The following NR3C1 variants were observed in gnomAD, a reference collection of about 807,000 sequenced individuals.
NR3C1 encodes the protein glucocorticoid receptor.
In NR3C1, 14 loss-of-function variants were observed where a neutral mutation model predicts 74.0. The ratio of observed to expected loss-of-function variants is 0.19; its 90% CI spans 0.12 to 0.30. NR3C1 has a LOEUF of 0.30. Among genes scored for constraint, NR3C1 ranks in the 10% least tolerant of loss-of-function variants. The pLI, the probability that NR3C1 is intolerant of heterozygous loss-of-function variation, is 1.00. For synonymous variants in NR3C1, 308 were observed against 332.5 expected (o/e 0.93, Z 0.80); for missense variants, 695 against 909.8 (o/e 0.76, Z 3.04).
At chr5:143,366,466 C>T (rs1014855251) in intron 2 of NR3C1, among the ~76,000 whole-genome samples, 2 of 150,448 alleles carry the variant, frequency 1.3e-5, no homozygotes, top group Non-Finnish European at 2.9e-5. Flanking sequence ...GCCGAGATTG[C>T]ACCACTGCAC....
upstream of NR3C1, among the ~76,000 whole-genome samples, chr5:143,408,104 G>T (rs534547183): frequency 1.3e-5 from 2 of 152,140 alleles, no homozygotes; most frequent in Non-Finnish European, 2.9e-5. Context: ...TTTGATGAAG[G>T]TCTAAAGCTT....
At chr5:143,331,583 C>A (rs766666217) in intron 2 of NR3C1, among the ~76,000 whole-genome samples, 5 of 152,098 alleles carry the variant, frequency 3.3e-5, no homozygotes, top group Non-Finnish European at 5.9e-5. Flanking sequence ...ACATATACAC[C>A]ATGGAATTCT....
intron 2 of NR3C1, among the ~76,000 whole-genome samples, chr5:143,336,673 T>C (rs540429097): frequency 6.6e-6 from 1 of 152,092 alleles, no homozygotes; most frequent in African/African-American, 2.4e-5. Context: ...ATAAAAAATA[T>C]TTTTAAAAAA....
At chr5:143,309,046 C>A (rs1599832328) in intron 4 of NR3C1, among the ~76,000 whole-genome samples, 1 of 150,416 alleles carries the variant, frequency 6.6e-6, no homozygotes, top group Non-Finnish European at 1.5e-5. Flanking sequence ...GGATATGAAA[C>A]TCTAACTTAT....
chr5:143,370,582 GC>G (rs1047001838), intron 2 of NR3C1, among the ~76,000 whole-genome samples: 4 of 152,208 alleles, frequency 2.6e-5, no homozygotes, highest in African/African-American at 7.2e-5. Flanking sequence ...AAGGGCACCG[GC>G]TACAGACTTG....
chr5:143,324,241 G>A (rs536333829), intron 2 of NR3C1, among the ~76,000 whole-genome samples: 1 of 152,368 alleles, frequency 6.6e-6, no homozygotes, highest in South Asian at 2.1e-4. Flanking sequence ...CTGCCCTGCA[G>A]TAATACTTCT....
chr5:143,338,639 ATGTG>A (rs1301995518), intron 2 of NR3C1, among the ~76,000 whole-genome samples: 2 of 152,216 alleles, frequency 1.3e-5, no homozygotes, highest in Non-Finnish European at 2.9e-5. Context: ...CAGCTGTACA[ATGTG>A]TGTGTTTTAA....
chr5:143,306,530 A>G (rs1402207939), intron 4 of NR3C1, among the ~76,000 whole-genome samples: 1 of 152,230 alleles, frequency 6.6e-6, no homozygotes, highest in Non-Finnish European at 1.5e-5. Context: ...AAACCCTAAG[A>G]ACTTTTTTAA....
chr5:143,329,988 T>C (rs1825632925), intron 2 of NR3C1, among the ~76,000 whole-genome samples: 1 of 152,210 alleles, frequency 6.6e-6, no homozygotes, highest in Non-Finnish European at 1.5e-5. Flanking sequence ...TACATATACA[T>C]TTGTCAATTC....
chr5:143,365,442 T>C (rs1833019798), intron 2 of NR3C1, among the ~76,000 whole-genome samples: 1 of 152,208 alleles, frequency 6.6e-6, no homozygotes, highest in African/African-American at 2.4e-5. Flanking sequence ...CACTGTATAA[T>C]GATAAAAGAA....
chr5:143,352,155 G>A (rs540553912), intron 2 of NR3C1, among the ~76,000 whole-genome samples: 30 of 151,958 alleles, frequency 2.0e-4, no homozygotes, highest in African/African-American at 6.3e-4. Flanking sequence ...CACACAATGC[G>A]GTATGCTGAT....
At chr5:143,350,466 A>G (rs1055623109) in intron 2 of NR3C1, among the ~76,000 whole-genome samples, 3 of 152,192 alleles carry the variant, frequency 2.0e-5, no homozygotes, top group Non-Finnish European at 2.9e-5. Flanking sequence ...ATAGCACCAT[A>G]TATTTCCTGA....
intron 2 of NR3C1, among the ~76,000 whole-genome samples, chr5:143,373,241 TATAA>T (rs1348436918): frequency 6.6e-6 from 1 of 152,188 alleles, no homozygotes; most frequent in Non-Finnish European, 1.5e-5. Context: ...AAAAAACTCT[TATAA>T]ATGTGTTTCA....
rs117287727 is a variant in NR3C1, at chr5:143,294,582, G to A, written c.2023+878C>T. ...TGTATAATGACATGTTTCCACCATTGTAGTATCATACGAAGTATTTTCACT... is the reference window on the plus strand; with the variant it reads ...TGTATAATGACATGTTTCCACCATTATAGTATCATACGAAGTATTTTCACT... On this transcript the variant is annotated intron_variant, in intron 7 of 8. Coordinates refer to ENST00000394464, the MANE Select transcript of NR3C1 (RefSeq NM_000176.3). Among the ~76,000 whole-genome samples the A allele has an allele frequency of 1.0e-3, 155 of 152,178 alleles. 3 individuals carry two copies. In the East Asian group the frequency reaches 0.022, roughly 22 times the overall value.
At chr5:143,285,756 GACAGTGCTTAGAAA>G (rs1463651801) in intron 7 of NR3C1, among the ~76,000 whole-genome samples, 1 of 152,014 alleles carries the variant, frequency 6.6e-6, no homozygotes, top group Non-Finnish European at 1.5e-5. Flanking sequence ...ATGCAATGAA[GACAGTGCTTAGAAA>G]ATTTACAGCA....
At chr5:143,339,109 T>G (rs1251649043) in intron 2 of NR3C1, among the ~76,000 whole-genome samples, 3 of 152,228 alleles carry the variant, frequency 2.0e-5, no homozygotes, top group Non-Finnish European at 4.4e-5. Context: ...TTGTGTAAGT[T>G]CACTCTATGA....
intron 2 of NR3C1, among the ~76,000 whole-genome samples, chr5:143,325,154 T>G (rs1824286083): frequency 6.6e-6 from 1 of 152,224 alleles, no homozygotes; most frequent in African/African-American, 2.4e-5. Context: ...TCCATTTTCA[T>G]GCTTGTGATA....
At chr5:143,332,870 C>G in intron 2 of NR3C1, 2 of 1,460,756 alleles carry the variant, frequency 1.4e-6, no homozygotes, top group Non-Finnish European at 1.9e-6. Context: ...TAAAAGTTAC[C>G]CCCTAGAATC....
At chr5:143,398,435 C>T (rs1265267108) in intron 2 of NR3C1, among the ~76,000 whole-genome samples, 1 of 148,862 alleles carries the variant, frequency 6.7e-6, no homozygotes, top group Admixed American at 6.7e-5. Context: ...AATTATTTCC[C>T]TAACAAGAAA....
Sources: gnomAD v4.1 joint callset for allele counts (sites outside exome capture counted in the v4.1 genomes callset) on GRCh38, gnomAD v4.1.1 for gene constraint, MANE v1.5 for transcripts, NCBI Gene and HGNC (gene_info 2026-07-23, HGNC 2026-07-21) for gene names.